GALNT7: variants seen among roughly 807,000 people sequenced by gnomAD.
GALNT7 encodes the protein polypeptide N-acetylgalactosaminyltransferase 7.
Under a neutral mutation model 82.1 loss-of-function variants are expected in GALNT7, and 60 were observed. The ratio of observed to expected loss-of-function variants is 0.73; its 90% CI spans 0.59 to 0.91. GALNT7 has a LOEUF of 0.91. Among genes scored for constraint, GALNT7 ranks in the 40% least tolerant of loss-of-function variants. The pLI, the probability that GALNT7 is intolerant of heterozygous loss-of-function variation, is 0.00. For synonymous variants in GALNT7, 243 were observed against 275.1 expected (o/e 0.88, Z 1.15); for missense variants, 660 against 804.2 (o/e 0.82, Z 2.17).
At chr4:173,231,061 A>G (rs1734015257) in intron 1 of GALNT7, among the ~76,000 whole-genome samples, 1 of 152,254 alleles carries the variant, frequency 6.6e-6, no homozygotes, top group Admixed American at 6.5e-5. Context: ...CCTCAGTTGG[A>G]ACAGTCTGCT....
chr4:173,230,939 C>G (rs926234789), intron 1 of GALNT7, among the ~76,000 whole-genome samples: 2 of 152,158 alleles, frequency 1.3e-5, no homozygotes, highest in African/African-American at 4.8e-5. Flanking sequence ...TAGGAATAGG[C>G]TCAATTGTGA....
chr4:173,184,981 C>A (rs1468039998), intron 1 of GALNT7, among the ~76,000 whole-genome samples: 1 of 152,162 alleles, frequency 6.6e-6, no homozygotes. Context: ...TGGTACTATC[C>A]ATTTAGATAC....
intron 1 of GALNT7, among the ~76,000 whole-genome samples, chr4:173,197,304 G>C (rs1481624848): frequency 3.9e-5 from 6 of 152,106 alleles, no homozygotes; most frequent in Non-Finnish European, 8.8e-5. Context: ...AGAGGGTAGA[G>C]GGTAGTATTT....
intron 1 of GALNT7, among the ~76,000 whole-genome samples, chr4:173,210,927 T>G (rs1733260905): frequency 6.6e-6 from 1 of 152,208 alleles, no homozygotes; most frequent in African/African-American, 2.4e-5. Context: ...ATATTAAAAA[T>G]AGCTTTAAAA....
intron 2 of GALNT7, among the ~76,000 whole-genome samples, chr4:173,255,737 G>A (rs1334995746): frequency 1.3e-5 from 2 of 152,144 alleles, no homozygotes; most frequent in Non-Finnish European, 2.9e-5. Flanking sequence ...AAAGTATTTA[G>A]TCATTGTTCT....
chr4:173,279,107 A>C (rs1365493540), intron 2 of GALNT7, among the ~76,000 whole-genome samples: 1 of 152,202 alleles, frequency 6.6e-6, no homozygotes, highest in African/African-American at 2.4e-5. Flanking sequence ...TAAAGGAATA[A>C]CAGAGACCGG....
At chr4:173,263,139 C>T (rs1308925216) in intron 2 of GALNT7, among the ~76,000 whole-genome samples, 6 of 152,206 alleles carry the variant, frequency 3.9e-5, no homozygotes, top group Middle Eastern at 3.4e-3. Context: ...TAATTTTGAC[C>T]TCACCAAACT....
intron 2 of GALNT7, among the ~76,000 whole-genome samples, chr4:173,283,385 A>C (rs1017311290): frequency 1.2e-4 from 19 of 152,152 alleles, no homozygotes; most frequent in Non-Finnish European, 7.4e-5. Flanking sequence ...CATGCCTCTA[A>C]TCCCAGCACT....
chr4:173,310,044 T>G (rs1737321260), intron 8 of GALNT7, among the ~76,000 whole-genome samples: 1 of 152,236 alleles, frequency 6.6e-6, no homozygotes, highest in African/African-American at 2.4e-5. Context: ...ATACACTTAG[T>G]GAGTACCCAG....
intron 2 of GALNT7, among the ~76,000 whole-genome samples, chr4:173,282,020 A>C (rs1393482989): frequency 6.6e-6 from 1 of 152,198 alleles, no homozygotes; most frequent in Non-Finnish European, 1.5e-5. Context: ...TAAGCGAAAG[A>C]AAGCACTTCG....
At chr4:173,174,546 GAA>G (rs201730631) in intron 1 of GALNT7, among the ~76,000 whole-genome samples, 3 of 152,330 alleles carry the variant, frequency 2.0e-5, no homozygotes, top group East Asian at 3.9e-4. Flanking sequence ...CACTTCTGTG[GAA>G]AAGTTTTCCA....
intron 2 of GALNT7, among the ~76,000 whole-genome samples, chr4:173,269,349 C>G (rs1374012887): frequency 6.6e-6 from 1 of 152,156 alleles, no homozygotes; most frequent in Non-Finnish European, 1.5e-5. Flanking sequence ...CCCACCCCTC[C>G]CCACTTTATC....
chr4:173,193,244 C>T (rs1732678286), intron 1 of GALNT7, among the ~76,000 whole-genome samples: 1 of 152,220 alleles, frequency 6.6e-6, no homozygotes, highest in African/African-American at 2.4e-5. Context: ...ATCCTTATAA[C>T]AAACACTATT....
chr4:173,251,610 C>G (rs990814279), intron 2 of GALNT7, among the ~76,000 whole-genome samples: 2 of 152,162 alleles, frequency 1.3e-5, no homozygotes, highest in African/African-American at 4.8e-5. Context: ...CCATGGGAAC[C>G]TCGCATCTCT....
At chr4:173,225,240 C>CCTCTTTTT (rs1733789209) in intron 1 of GALNT7, among the ~76,000 whole-genome samples, 2 of 151,954 alleles carry the variant, frequency 1.3e-5, no homozygotes, top group Non-Finnish European at 2.9e-5. Flanking sequence ...TCCTCCCTCC[C>CCTCTTTTT]CTCTTTTTTC....
intron 1 of GALNT7, among the ~76,000 whole-genome samples, chr4:173,171,257 G>A (rs973535522): frequency 1.3e-5 from 2 of 152,190 alleles, no homozygotes; most frequent in African/African-American, 4.8e-5. Context: ...GACAAATCCT[G>A]TAGGGAGGAT....
intron 1 of GALNT7, among the ~76,000 whole-genome samples, chr4:173,185,132 A>G (rs1327027798): frequency 2.0e-5 from 3 of 152,364 alleles, no homozygotes; most frequent in Admixed American, 2.0e-4. Context: ...AAGCAAAACA[A>G]AAATCACCGT....
chr4:173,222,560 A>C (rs1003884897), intron 1 of GALNT7, among the ~76,000 whole-genome samples: 2 of 152,240 alleles, frequency 1.3e-5, no homozygotes, highest in Admixed American at 1.3e-4. Flanking sequence ...CATTCTAAAC[A>C]CTTCTTTAGA....
chr4:173,201,004 A>C (rs576029845), intron 1 of GALNT7, among the ~76,000 whole-genome samples: 1 of 152,310 alleles, frequency 6.6e-6, no homozygotes, highest in African/African-American at 2.4e-5. Flanking sequence ...CTTGCAGTCA[A>C]CCTTCAAGAT....
Sources: allele counts gnomAD v4.1 joint callset (sites outside exome capture counted in the v4.1 genomes callset), GRCh38; gene constraint gnomAD v4.1.1; transcripts MANE v1.5; gene names NCBI Gene and HGNC (gene_info 2026-07-23, HGNC 2026-07-21).